KSR1: variants seen among roughly 807,000 people sequenced by gnomAD.
KSR1 encodes the protein kinase suppressor of ras.
In KSR1, 35 loss-of-function variants were observed where a neutral mutation model predicts 92.9. That is an observed-to-expected ratio of 0.38 (90% CI 0.29 to 0.50). KSR1 has a LOEUF of 0.50. Among genes scored for constraint, KSR1 ranks in the 20% least tolerant of loss-of-function variants. KSR1 has a pLI of 0.94. For synonymous variants in KSR1, 467 were observed against 472.6 expected, an observed-to-expected ratio of 0.99 and a Z score of 0.15; for missense variants, 972 against 1,158.5, an observed-to-expected ratio of 0.84 and a Z score of 2.34.
chr17:27,621,080 A>G (rs2074210484), intron 19 of KSR1, 113 bp from the exon 20 acceptor site: 1 of 397,608 alleles, frequency 2.5e-6, no homozygotes, highest in South Asian at 1.3e-4. Context: ...GTCATCTCCC[A>G]CTTTCCCATC....
intron 1 of KSR1, among the ~76,000 whole-genome samples, chr17:27,546,576 C>G (rs955800869): frequency 6.6e-6 from 1 of 152,068 alleles, no homozygotes; most frequent in Non-Finnish European, 1.5e-5. Context: ...AGGGGAGAGG[C>G]GGACTCTGAC....
intron 3 of KSR1, among the ~76,000 whole-genome samples, chr17:27,580,871 A>G (rs1234474279): frequency 2.6e-5 from 4 of 152,102 alleles, no homozygotes; most frequent in Non-Finnish European, 5.9e-5. Context: ...GGTTCAAGCG[A>G]TTCTTGTGCC....
intron 1 of KSR1, among the ~76,000 whole-genome samples, chr17:27,468,473 C>T (rs2019817894): frequency 6.6e-6 from 1 of 152,110 alleles, no homozygotes; most frequent in African/African-American, 2.4e-5. Flanking sequence ...AAGCAATTTA[C>T]CCACTTTGGC....
intron 2 of KSR1, among the ~76,000 whole-genome samples, chr17:27,553,267 TA>T (rs1441865559): frequency 6.6e-6 from 1 of 152,214 alleles, no homozygotes; most frequent in Non-Finnish European, 1.5e-5. Context: ...CAGCTGCTGT[TA>T]ATCCCAGGTG....
At position 27,496,553 on chromosome 17, in the gene KSR1, T is replaced by C. The variant is rs553535610; in HGVS notation, c.231+39679T>C. 3.3e-5 allele frequency among the ~76,000 whole-genome samples: 5 copies of C among 152,196 alleles called. No homozygotes were observed. In the South Asian group the frequency reaches 8.3e-4, roughly 25 times the overall value. Reference sequence around the variant, plus strand: ...CCTTCCAACAGAAGGGAGGCCCCCATGTGGTCTTCTTGCCTAGCTGGGCCT... The same window carrying C: ...CCTTCCAACAGAAGGGAGGCCCCCACGTGGTCTTCTTGCCTAGCTGGGCCT... On this transcript the variant is annotated intron_variant, in intron 1 of 20. Coordinates refer to ENST00000644974, the MANE Select transcript of KSR1 (RefSeq NM_001394583.1).
chr17:27,561,682 A>C (rs2071835300), intron 2 of KSR1, among the ~76,000 whole-genome samples: 1 of 152,162 alleles, frequency 6.6e-6, no homozygotes, highest in African/African-American at 2.4e-5. Flanking sequence ...GTCCTTCTGG[A>C]ACTGGCAGAC....
intron 6 of KSR1, among the ~76,000 whole-genome samples, chr17:27,589,403 A>C (rs2073088060): frequency 6.6e-6 from 1 of 151,948 alleles, no homozygotes; most frequent in Non-Finnish European, 1.5e-5. Flanking sequence ...GTAACTCTTA[A>C]GTTCAGAGAG....
chr17:27,588,955 T>G (rs2073073271), intron 6 of KSR1, among the ~76,000 whole-genome samples: 1 of 152,160 alleles, frequency 6.6e-6, no homozygotes, highest in Non-Finnish European at 1.5e-5. Flanking sequence ...ACCCCTAAGG[T>G]TCTTGCTCCC....
chr17:27,462,170 C>T (rs561603643), intron 1 of KSR1, among the ~76,000 whole-genome samples: 1 of 152,218 alleles, frequency 6.6e-6, no homozygotes, highest in Admixed American at 6.5e-5. Flanking sequence ...ATATGTTGCA[C>T]CTTAACATTC....
intron 1 of KSR1, chr17:27,527,222 AT>A: frequency 8.4e-6 from 2 of 238,072 alleles, no homozygotes; most frequent in Non-Finnish European, 8.8e-6. Context: ...ATTGTTTTGC[AT>A]TTTCCACTAT....
At chr17:27,470,124 C>A (rs1480127847) in intron 1 of KSR1, among the ~76,000 whole-genome samples, 3 of 150,910 alleles carry the variant, frequency 2.0e-5, no homozygotes, top group African/African-American at 7.3e-5. Flanking sequence ...GGTGTGATCT[C>A]AGTTCACTGC....
intron 1 of KSR1, among the ~76,000 whole-genome samples, chr17:27,514,241 C>T (rs1293379535): frequency 6.6e-6 from 1 of 152,234 alleles, no homozygotes; most frequent in Non-Finnish European, 1.5e-5. Context: ...ACCCCAAAGA[C>T]ATGAAAATAC....
At chr17:27,510,714 G>A (rs915102197) in intron 1 of KSR1, among the ~76,000 whole-genome samples, 1 of 152,216 alleles carries the variant, frequency 6.6e-6, no homozygotes, top group Non-Finnish European at 1.5e-5. Flanking sequence ...TTTTCCAAAT[G>A]CATGGGTTGG....
At chr17:27,526,837 G>C in intron 1 of KSR1, 2 of 755,036 alleles carry the variant, frequency 2.6e-6, no homozygotes, top group South Asian at 1.7e-5. Context: ...CCTCCGGGGG[G>C]AGGGGTGGAA....
chr17:27,623,097 C>T, intron 20 of KSR1: 1 of 591,086 alleles, frequency 1.7e-6, no homozygotes, highest in South Asian at 2.0e-5. Context: ...GATGAATGAG[C>T]CACCGTTGCT....
intron 1 of KSR1, among the ~76,000 whole-genome samples, chr17:27,457,898 C>T (rs2019255817): frequency 6.9e-6 from 1 of 144,058 alleles, no homozygotes; most frequent in Non-Finnish European, 1.5e-5. Flanking sequence ...AATTTCTCCT[C>T]CCCCAAACCC....
chr17:27,538,859 G>T (rs1205252277), intron 1 of KSR1, among the ~76,000 whole-genome samples: 1 of 152,190 alleles, frequency 6.6e-6, no homozygotes, highest in African/African-American at 2.4e-5. Context: ...CCTTGCCCCT[G>T]TCCAGCCCTT....
chr17:27,515,887 G>C (rs115909199), intron 1 of KSR1, among the ~76,000 whole-genome samples: 1 of 152,066 alleles, frequency 6.6e-6, no homozygotes, highest in African/African-American at 2.4e-5. Context: ...TGGCCTATCA[G>C]ATAAAAGAAT....
chr17:27,537,782 G>A (rs1341453228), intron 1 of KSR1, among the ~76,000 whole-genome samples: 1 of 152,212 alleles, frequency 6.6e-6, no homozygotes, highest in African/African-American at 2.4e-5. Context: ...ATGATGCCTA[G>A]TACCTAGGAA....
Sources: allele counts gnomAD v4.1 joint callset (sites outside exome capture counted in the v4.1 genomes callset), GRCh38; gene constraint gnomAD v4.1.1; transcripts MANE v1.5; gene names NCBI Gene and HGNC (gene_info 2026-07-23, HGNC 2026-07-21).